The following PLGRKT variants were observed in gnomAD, a reference collection of about 807,000 sequenced individuals.
The protein encoded by PLGRKT is plasminogen receptor (KT).
PLGRKT carries 22 observed loss-of-function variants against 18.5 expected under a neutral mutation model. That is an observed-to-expected ratio of 1.19 (90% CI 0.85 to 1.70). The LOEUF (loss-of-function observed/expected upper bound fraction) is 1.70, where lower values mean the gene tolerates loss of function less well. Among genes scored for constraint, PLGRKT ranks in the 40% most tolerant of loss-of-function variants. The pLI, the probability that PLGRKT is intolerant of heterozygous loss-of-function variation, is 0.00. For missense variants in PLGRKT, 235 were observed against 174.4 expected (o/e 1.35, Z -1.96); for synonymous variants, 72 against 52.8 (o/e 1.36, Z -1.58).
At chr9:5,390,609 G>C (rs916492885) in intron 3 of PLGRKT, among the ~76,000 whole-genome samples, 1 of 151,850 alleles carries the variant, frequency 6.6e-6, no homozygotes, top group Non-Finnish European at 1.5e-5. Context: ...TGGAGCCAGA[G>C]AGACCCAGAT....
chr9:5,401,187 C>A (rs1330755505), intron 3 of PLGRKT, among the ~76,000 whole-genome samples: 1 of 151,684 alleles, frequency 6.6e-6, no homozygotes, highest in Non-Finnish European at 1.5e-5. Context: ...ATTACCCAGT[C>A]TACACAAGAC....
intron 3 of PLGRKT, among the ~76,000 whole-genome samples, chr9:5,422,472 C>G (rs149078592): frequency 2.0e-5 from 3 of 152,254 alleles, no homozygotes; most frequent in South Asian, 2.1e-4. Flanking sequence ...TTCCATAGAA[C>G]AGATGAGCTG....
intron 3 of PLGRKT, among the ~76,000 whole-genome samples, chr9:5,387,267 A>G (rs1174296336): frequency 6.6e-6 from 1 of 151,950 alleles, no homozygotes; most frequent in East Asian, 1.9e-4. Context: ...GGTTTGGATC[A>G]GGAAATGTAA....
chr9:5,368,066 T>G (rs1817433501), intron 3 of PLGRKT, among the ~76,000 whole-genome samples: 1 of 152,090 alleles, frequency 6.6e-6, no homozygotes, highest in South Asian at 2.1e-4. Flanking sequence ...GAATGGCTAT[T>G]AAAAAGATAA....
intron 3 of PLGRKT, among the ~76,000 whole-genome samples, chr9:5,386,345 G>C (rs1475145169): frequency 6.6e-6 from 1 of 151,876 alleles, no homozygotes; most frequent in Non-Finnish European, 1.5e-5. Context: ...TCAAAGTAGT[G>C]GTTCTCAACC....
intron 3 of PLGRKT, among the ~76,000 whole-genome samples, chr9:5,424,671 T>TATATATATATAC (rs1818656468): frequency 1.4e-5 from 1 of 69,302 alleles, no homozygotes; most frequent in African/African-American, 6.1e-5. Flanking sequence ...ATATATTTTA[T>TATATATATATAC]ATATATATAT....
Position 5,418,478 on chromosome 9 carries a change from TC to T in PLGRKT, c.81+13418del. Reference sequence around the variant, plus strand: ...GCCACCAAGATGACAGTGCACACCCTCAACCACATGGAGCTTTTCACCATGC... The same window carrying T: ...GCCACCAAGATGACAGTGCACACCCTAACCACATGGAGCTTTTCACCATGC... On this transcript the variant is annotated intron_variant, in intron 3 of 5. Transcript: ENST00000223864. The surrounding 1 kb of genome is among the most constrained non-coding windows in gnomAD (Gnocchi z 4.2). 1 of 1,092,286 alleles carries T rather than the reference TC, an allele frequency of 9.2e-7. No homozygotes were observed. The highest frequency in any genetic ancestry group is 1.4e-6 in the Non-Finnish European group (1 of 711,110). The allele number at this position is 1,092,286 out of a possible 1,614,324, so 67.7% of individuals were successfully genotyped here. A position where few individuals can be genotyped will look rare whatever the true frequency, so the allele number is the denominator to read the frequency against.
At chr9:5,399,608 C>T (rs1818117695) in intron 3 of PLGRKT, among the ~76,000 whole-genome samples, 1 of 151,792 alleles carries the variant, frequency 6.6e-6, no homozygotes, top group African/African-American at 2.4e-5. Context: ...AATATCTAAC[C>T]TAATAAAATT....
intron 3 of PLGRKT, among the ~76,000 whole-genome samples, chr9:5,397,163 A>G (rs1477571732): frequency 6.6e-6 from 1 of 151,972 alleles, no homozygotes; most frequent in Non-Finnish European, 1.5e-5. Context: ...ACTAGTGGCA[A>G]CAGATTGTAG....
rs540829145 is a variant in PLGRKT, at chr9:5,361,981, A to G, written c.82-93T>C. The stretch of plus-strand genomic sequence containing the variant: ...TGTTTTTCCAGCGGATTCATTCTTC[A>G]ATTGCTTTAATTCATGTTTTTTCAA... On this transcript the variant is annotated intron_variant, in intron 3 of 5. Transcript: ENST00000223864. 1,353 of 1,203,192 alleles carry G rather than the reference A, an allele frequency of 1.1e-3. 3 individuals carry two copies. Among genetic ancestry groups the G allele is most frequent in the Non-Finnish European group, 1.5e-3 (1,297 of 847,582 alleles). The allele number at this position is 1,203,192 out of a possible 1,614,324, so 74.5% of individuals were successfully genotyped here.
chr9:5,404,138 C>T (rs1215458966), intron 3 of PLGRKT, among the ~76,000 whole-genome samples: 1 of 152,140 alleles, frequency 6.6e-6, no homozygotes, highest in Non-Finnish European at 1.5e-5. Context: ...AATGAACAGC[C>T]TACCAACCAA....
At chr9:5,417,912 G>A (rs1384006068) in intron 3 of PLGRKT, among the ~76,000 whole-genome samples, 1 of 152,188 alleles carries the variant, frequency 6.6e-6, no homozygotes, top group South Asian at 2.1e-4. Flanking sequence ...AAAAAAAGTA[G>A]AGAAGCCAGC....
chr9:5,412,672 C>T (rs1423776395), intron 3 of PLGRKT, among the ~76,000 whole-genome samples: 1 of 152,052 alleles, frequency 6.6e-6, no homozygotes, highest in Non-Finnish European at 1.5e-5. Context: ...TGAACGAAGA[C>T]AAAAGTACCA....
intron 2 of PLGRKT, among the ~76,000 whole-genome samples, chr9:5,434,149 C>T (rs537865154): frequency 3.3e-5 from 5 of 150,760 alleles, no homozygotes; most frequent in Admixed American, 6.6e-5. Flanking sequence ...GCCGCCACCC[C>T]GTCTGGGAAG....
chr9:5,430,096 G>A (rs1406553589), intron 3 of PLGRKT, among the ~76,000 whole-genome samples: 1 of 152,160 alleles, frequency 6.6e-6, no homozygotes, highest in African/African-American at 2.4e-5. Context: ...TTGTCACCTC[G>A]GTGAGTTTTG....
At chr9:5,407,367 T>A (rs144115119) in intron 3 of PLGRKT, among the ~76,000 whole-genome samples, 3,116 of 152,280 alleles carry the variant, frequency 0.02, 58 homozygotes, top group South Asian at 0.031. Flanking sequence ...ACACCAAATT[T>A]GTGTTTATTG....
At chr9:5,425,878 T>A (rs1479479893) in intron 3 of PLGRKT, among the ~76,000 whole-genome samples, 1 of 152,210 alleles carries the variant, frequency 6.6e-6, no homozygotes, top group Non-Finnish European at 1.5e-5. Flanking sequence ...AAAACTCCAG[T>A]AGGATAAGAT....
At chr9:5,424,356 TATA>T (rs1019318451) in intron 3 of PLGRKT, among the ~76,000 whole-genome samples, 1 of 133,134 alleles carries the variant, frequency 7.5e-6, no homozygotes, top group Admixed American at 8.3e-5. Context: ...ATTAATAACA[TATA>T]ATACATAATG....
intron 3 of PLGRKT, among the ~76,000 whole-genome samples, chr9:5,408,658 T>G (rs1029833607): frequency 6.6e-6 from 1 of 152,200 alleles, no homozygotes; most frequent in Non-Finnish European, 1.5e-5. Context: ...CTGCATCAAT[T>G]TGCATAAGTA....
Sources: gnomAD v4.1 joint callset for allele counts (sites outside exome capture counted in the v4.1 genomes callset) on GRCh38, gnomAD v4.1.1 for gene constraint, Gnocchi (gnomAD v3.1) non-coding constraint, MANE v1.5 for transcripts, NCBI Gene and HGNC (gene_info 2026-07-23, HGNC 2026-07-21) for gene names.